Variants in DYNLT2B observed in about 807,000 individuals in gnomAD.
DYNLT2B encodes dynein light chain Tctex-type protein 2B.
Under a neutral mutation model 19.5 loss-of-function variants are expected in DYNLT2B, and 14 were observed. The observed-to-expected ratio is 0.72, with a 90% CI of 0.47 to 1.12. DYNLT2B has a LOEUF of 1.12. DYNLT2B is among the 50% of genes most tolerant of loss of function. DYNLT2B has a pLI of 0.00. For missense variants in DYNLT2B, 133 were observed against 174.7 expected (o/e 0.76, Z 1.35); for synonymous variants, 70 against 59.7 (o/e 1.17, Z -0.79).
Position 196,305,767 on chromosome 3 carries a change from C to G in DYNLT2B, c.317+1176G>C, listed in dbSNP as rs749029232. 92 of 153,250 alleles carry G rather than the reference C, an allele frequency of 6.0e-4. 1 individual carries two copies. The Middle Eastern group carries it at 0.021, about 36-fold the overall frequency. The allele number at this position is 153,250 out of a possible 1,614,324, so 9.5% of individuals were successfully genotyped here. On this transcript the variant is annotated intron_variant, in intron 3 of 4. Coordinates refer to ENST00000325318, the MANE Select transcript of DYNLT2B (RefSeq NM_152773.5). ...AGTGAGCCGAGATCATGCCACTGCA[C>G]TCCAGCCTGGGTGAGGAAGCAAGAC...
In DYNLT2B at chr3:196,291,956, T is replaced by TA. The variant is rs779656794; in HGVS notation, c.382-583dup. Among the ~76,000 whole-genome samples the TA allele has an allele frequency of 4.3e-4, 65 of 152,360 alleles. 1 individual carries two copies. The highest frequency in any genetic ancestry group is 3.8e-4 in the Non-Finnish European group (26 of 68,042). On this transcript the variant is annotated intron_variant, in intron 4 of 4. Coordinates refer to ENST00000325318, the MANE Select transcript of DYNLT2B (RefSeq NM_152773.5). Reference sequence around the variant, plus strand: ...AAAATGTGAACTAATGAACTTTAGGTAATACATATTCATAAAATAATTATT... The same window carrying TA: ...AAAATGTGAACTAATGAACTTTAGGTAAATACATATTCATAAAATAATTATT...
intron 2 of DYNLT2B, 100 bp downstream of exon 2, chr3:196,315,998 C>A: frequency 7.4e-7 from 1 of 1,350,346 alleles, no homozygotes; most frequent in Admixed American, 2.1e-5. Flanking sequence ...AGCCACCACA[C>A]CTGGCCCCAA....
chr3:196,295,907 T>C, intron 4 of DYNLT2B, 99 bp downstream of exon 4: 3 of 984,416 alleles, frequency 3.0e-6, no homozygotes, highest in Non-Finnish European at 4.7e-6. Context: ...GATGAATGAC[T>C]AAGACAGCAG....
chr3:196,293,090 G>A (rs1166851501), intron 4 of DYNLT2B, among the ~76,000 whole-genome samples: 1 of 152,098 alleles, frequency 6.6e-6, no homozygotes, highest in Non-Finnish European at 1.5e-5. Flanking sequence ...CTGACCTCAG[G>A]TGATCCACCC....
intron 3 of DYNLT2B, among the ~76,000 whole-genome samples, chr3:196,302,585 CATAA>C (rs1189596073): frequency 6.6e-6 from 1 of 152,126 alleles, no homozygotes; most frequent in Non-Finnish European, 1.5e-5. Context: ...TGACAGAATA[CATAA>C]ATAAATGGGA....
At chr3:196,304,702 C>A (rs199608811) in intron 3 of DYNLT2B, among the ~76,000 whole-genome samples, 128 of 147,516 alleles carry the variant, frequency 8.7e-4, no homozygotes, top group Non-Finnish European at 1.6e-3. Context: ...AAAAAAAAAA[C>A]AACAAAAAAA....
At chr3:196,296,499 C>T (rs192454331) in intron 3 of DYNLT2B, among the ~76,000 whole-genome samples, 3 of 152,228 alleles carry the variant, frequency 2.0e-5, no homozygotes, top group African/African-American at 4.8e-5. Context: ...AGTCTTCTAA[C>T]GAATTATAAC....
At chr3:196,308,096 A>AG (rs2108795134) in intron 2 of DYNLT2B, among the ~76,000 whole-genome samples, 1 of 151,824 alleles carries the variant, frequency 6.6e-6, no homozygotes, top group South Asian at 2.1e-4. Context: ...AAAAAAAAAA[A>AG]AAAGAAAATA....
chr3:196,308,864 G>A (rs185266953), intron 2 of DYNLT2B, among the ~76,000 whole-genome samples: 3 of 152,056 alleles, frequency 2.0e-5, no homozygotes, highest in African/African-American at 4.8e-5. Context: ...CTTAAATCAC[G>A]GTTCTGAGGG....
At chr3:196,312,490 G>A (rs372453814) in intron 2 of DYNLT2B, among the ~76,000 whole-genome samples, 3 of 152,120 alleles carry the variant, frequency 2.0e-5, no homozygotes, top group African/African-American at 4.8e-5. Flanking sequence ...ATGGAGTCTC[G>A]CTCTGTCGCC....
At chr3:196,297,397 C>T (rs1055384273) in intron 3 of DYNLT2B, among the ~76,000 whole-genome samples, 29 of 152,172 alleles carry the variant, frequency 1.9e-4, no homozygotes, top group Admixed American at 5.9e-4. Flanking sequence ...TCGTGGCACA[C>T]GCCTGTAATC....
At chr3:196,308,907 G>A (rs1053699570) in intron 2 of DYNLT2B, among the ~76,000 whole-genome samples, 1 of 150,976 alleles carries the variant, frequency 6.6e-6, no homozygotes, top group Admixed American at 6.6e-5. Flanking sequence ...TGGTGGGGAG[G>A]GGAACTTAAA....
chr3:196,292,054 C>T (rs556660266), intron 4 of DYNLT2B, among the ~76,000 whole-genome samples: 2 of 152,318 alleles, frequency 1.3e-5, no homozygotes, highest in East Asian at 3.9e-4. Flanking sequence ...CTCCATTACT[C>T]ATCCCAAGAA....
At chr3:196,308,301 T>A (rs1251109934) in intron 2 of DYNLT2B, among the ~76,000 whole-genome samples, 1 of 151,780 alleles carries the variant, frequency 6.6e-6, no homozygotes, top group Non-Finnish European at 1.5e-5. Context: ...GGGGACCAGG[T>A]CAGCCCCATC....
At chr3:196,293,991 A>T (rs1333193106) in intron 4 of DYNLT2B, among the ~76,000 whole-genome samples, 1 of 151,958 alleles carries the variant, frequency 6.6e-6, no homozygotes, top group African/African-American at 2.4e-5. Context: ...ATAGCTGATA[A>T]ATTAAGATTT....
intron 2 of DYNLT2B, among the ~76,000 whole-genome samples, chr3:196,315,837 A>C (rs1726775254): frequency 6.6e-6 from 1 of 152,078 alleles, no homozygotes; most frequent in South Asian, 2.1e-4. Context: ...ATGCCATTGC[A>C]CTCCAGCCTG....
chr3:196,304,193 C>T lies in DYNLT2B; in HGVS notation c.317+2750G>A, dbSNP rs577383821. On this transcript the variant is annotated intron_variant, in intron 3 of 4. Coordinates refer to ENST00000325318, the MANE Select transcript of DYNLT2B (RefSeq NM_152773.5). The stretch of plus-strand genomic sequence containing the variant: ...TGTTCCCCAGGCTGGAGTGCAGTGG[C>T]GTGATCTCAGCTCACTGCAACCTCC... Among the ~76,000 whole-genome samples the T allele has an allele frequency of 2.5e-3, 376 of 151,960 alleles. 2 individuals are homozygous for T. The highest frequency in any genetic ancestry group is 8.7e-3 in the African/African-American group (361 of 41,490).
intron 1 of DYNLT2B, among the ~76,000 whole-genome samples, chr3:196,317,543 T>A (rs1241965849): frequency 2.0e-5 from 3 of 151,446 alleles, no homozygotes; most frequent in Non-Finnish European, 2.9e-5. Flanking sequence ...CCCTCTGCTC[T>A]GGCCCGTGAG....
intron 3 of DYNLT2B, among the ~76,000 whole-genome samples, chr3:196,299,205 C>G (rs1481231771): frequency 6.6e-6 from 1 of 152,058 alleles, no homozygotes; most frequent in Non-Finnish European, 1.5e-5. Context: ...CTACCTCAGC[C>G]TCCCAAGTAG....
Sources: allele counts gnomAD v4.1 joint callset (sites outside exome capture counted in the v4.1 genomes callset), GRCh38; gene constraint gnomAD v4.1.1; transcripts MANE v1.5; gene names NCBI Gene and HGNC (gene_info 2026-07-23, HGNC 2026-07-21).